The following ROBO2 variants were observed in gnomAD, a reference collection of about 807,000 sequenced individuals.
ROBO2 encodes the protein roundabout homolog 2.
In ROBO2, 53 loss-of-function variants were observed where a neutral mutation model predicts 160.8. The observed-to-expected ratio is 0.33, with a 90% confidence interval of 0.26 to 0.41. ROBO2 has a LOEUF of 0.41. Ranked by LOEUF, ROBO2 falls within the 10% of genes least tolerant of loss-of-function variation. The probability of loss-of-function intolerance (pLI) is 1.00; values close to 1 mark genes in which losing one functional copy is unlikely to be tolerated. For missense variants in ROBO2, 1,577 were observed against 1,722.4 expected (o/e 0.92, Z 1.49); for synonymous variants, 664 against 611.7 (o/e 1.09, Z -1.26).
chr3:77,468,002 A>C (rs1262422462), intron 2 of ROBO2, among the ~76,000 whole-genome samples: 1 of 152,178 alleles, frequency 6.6e-6, no homozygotes, highest in Non-Finnish European at 1.5e-5. Flanking sequence ...CATTTCTAGA[A>C]ACCATCCTCC....
chr3:77,110,428 A>G (rs551854787), intron 2 of ROBO2, among the ~76,000 whole-genome samples: 1 of 152,162 alleles, frequency 6.6e-6, no homozygotes, highest in African/African-American at 2.4e-5. Context: ...TATCATTAAC[A>G]TTGGTCTATT....
chr3:77,177,815 T>C (rs961602883), intron 2 of ROBO2, among the ~76,000 whole-genome samples: 5 of 151,992 alleles, frequency 3.3e-5, no homozygotes, highest in Non-Finnish European at 7.4e-5. Flanking sequence ...AGTAGATCTC[T>C]TTCCCCCTTC....
At chr3:77,313,923 G>C (rs1367918750) in intron 2 of ROBO2, among the ~76,000 whole-genome samples, 1 of 152,154 alleles carries the variant, frequency 6.6e-6, no homozygotes, top group Non-Finnish European at 1.5e-5. Context: ...TTTAAAAAAG[G>C]TCTAAGGTCT....
chr3:76,987,665 A>T (rs931688434), intron 2 of ROBO2, among the ~76,000 whole-genome samples: 14 of 152,178 alleles, frequency 9.2e-5, no homozygotes, highest in African/African-American at 3.1e-4. Flanking sequence ...TTTATGTTCA[A>T]ATCAGTAATT....
intron 2 of ROBO2, among the ~76,000 whole-genome samples, chr3:77,277,449 T>C (rs754873738): frequency 6.6e-6 from 1 of 151,958 alleles, no homozygotes; most frequent in Non-Finnish European, 1.5e-5. Context: ...ATGATGTCAC[T>C]CCCACCACCC....
intron 2 of ROBO2, among the ~76,000 whole-genome samples, chr3:76,793,439 AAC>A (rs2063494517): frequency 6.6e-6 from 1 of 151,862 alleles, no homozygotes. Flanking sequence ...GGAAATGGAA[AAC>A]AATTGAGAAC....
At position 76,308,416 on chromosome 3, in the gene ROBO2, GA is replaced by G. The variant is rs376195358; in HGVS notation, c.109+370820del. Among the ~76,000 whole-genome samples, 507 of 139,238 alleles carry G rather than the reference GA, an allele frequency of 3.6e-3. 1 individual carries two copies. Among genetic ancestry groups the G allele is most frequent in the African/African-American group, 0.012 (475 of 38,660 alleles). 91.3% of individuals were successfully genotyped at this position (139,238 alleles called of 152,430 possible). ...AAAAAAAGAAAGAAAGAAAAGCAAA[GA>G]AAAAAGAATTATTCCTACTTCATTG... On this transcript the variant is annotated intron_variant, in intron 2 of 26. Transcript: ENST00000487694.
intron 2 of ROBO2, among the ~76,000 whole-genome samples, chr3:77,219,538 T>G (rs578087441): frequency 1.4e-5 from 2 of 146,432 alleles, no homozygotes; most frequent in South Asian, 4.3e-4. Flanking sequence ...TATATATATA[T>G]GTCACCTGAG....
intron 2 of ROBO2, among the ~76,000 whole-genome samples, chr3:77,238,001 TC>T (rs1440324318): frequency 2.0e-5 from 3 of 152,214 alleles, no homozygotes; most frequent in Non-Finnish European, 2.9e-5. Context: ...ATATGGAGCA[TC>T]TTTTCATATG....
chr3:77,206,619 AG>A (rs112962452), intron 2 of ROBO2, among the ~76,000 whole-genome samples: 65 of 152,284 alleles, frequency 4.3e-4, no homozygotes, highest in African/African-American at 1.5e-3. Context: ...TATCTTTTTG[AG>A]GAACACAGTC....
chr3:77,379,352 T>C (rs1382519879), intron 2 of ROBO2, among the ~76,000 whole-genome samples: 1 of 152,130 alleles, frequency 6.6e-6, no homozygotes, highest in Non-Finnish European at 1.5e-5. Context: ...TAATTTTGTA[T>C]CCAAAGTATG....
intron 2 of ROBO2, among the ~76,000 whole-genome samples, chr3:76,344,427 CA>C (rs1276045138): frequency 6.6e-6 from 1 of 152,020 alleles, no homozygotes; most frequent in African/African-American, 2.4e-5. Context: ...CTACTTTTTT[CA>C]AATCTACTAG....
chr3:76,048,066 G>A (rs2067509545), intron 2 of ROBO2, among the ~76,000 whole-genome samples: 1 of 152,040 alleles, frequency 6.6e-6, no homozygotes, highest in Admixed American at 6.6e-5. Flanking sequence ...TTGTATTAGA[G>A]GCTTTTCATA....
At chr3:76,305,333 G>C (rs1228950203) in intron 2 of ROBO2, among the ~76,000 whole-genome samples, 1 of 134,624 alleles carries the variant, frequency 7.4e-6, no homozygotes, top group Non-Finnish European at 1.5e-5. Flanking sequence ...CGGGGCTACA[G>C]TGAGTCATGA....
intron 1 of ROBO2, among the ~76,000 whole-genome samples, chr3:75,937,189 T>A (rs1947821324): frequency 6.6e-6 from 1 of 152,152 alleles, no homozygotes. Flanking sequence ...AACTCCAATA[T>A]GTATATTGGG....
chr3:76,715,579 T>C (rs1328418197), intron 2 of ROBO2, among the ~76,000 whole-genome samples: 1 of 152,220 alleles, frequency 6.6e-6, no homozygotes, highest in Middle Eastern at 3.2e-3. Flanking sequence ...TGTAATGTGA[T>C]GCAATGCGAG....
At chr3:76,434,505 A>G in intron 2 of ROBO2, 7 of 1,558,476 alleles carry the variant, frequency 4.5e-6, no homozygotes, top group Non-Finnish European at 6.2e-6. Flanking sequence ...CGAGTCCTCA[A>G]AGAGTACAAA....
At chr3:77,615,095 C>T (rs2094740113) in intron 21 of ROBO2, among the ~76,000 whole-genome samples, 1 of 152,170 alleles carries the variant, frequency 6.6e-6, no homozygotes, top group South Asian at 2.1e-4. Context: ...TGTTTAATAT[C>T]AGCTTTCCCC....
chr3:76,302,928 A>G (rs193243142), intron 2 of ROBO2, among the ~76,000 whole-genome samples: 124 of 152,242 alleles, frequency 8.1e-4, no homozygotes, highest in African/African-American at 2.9e-3. Flanking sequence ...TTATGTATTT[A>G]TAGACAGGAA....
Sources: allele counts gnomAD v4.1 joint callset (sites outside exome capture counted in the v4.1 genomes callset), GRCh38; gene constraint gnomAD v4.1.1; transcripts MANE v1.5; gene names NCBI Gene and HGNC (gene_info 2026-07-23, HGNC 2026-07-21).